SHTN1: variants seen among roughly 807,000 people sequenced by gnomAD.
The protein encoded by SHTN1 is shootin 1.
In SHTN1, 42 loss-of-function variants were observed where a neutral mutation model predicts 83.1. The ratio of observed to expected loss-of-function variants is 0.51; its 90% CI spans 0.39 to 0.65. The LOEUF (loss-of-function observed/expected upper bound fraction) is 0.65. Ranked by LOEUF, SHTN1 falls within the 30% of genes least tolerant of loss-of-function variation. SHTN1 has a pLI of 0.00. For missense variants in SHTN1, 622 were observed against 737.8 expected (o/e 0.84, Z 1.82); for synonymous variants, 224 against 247.7 (o/e 0.90, Z 0.90).
At chr10:116,938,100 G>T (rs557047423) in intron 9 of SHTN1, among the ~76,000 whole-genome samples, 1 of 151,830 alleles carries the variant, frequency 6.6e-6, no homozygotes, top group East Asian at 2.0e-4. Flanking sequence ...CCTTGCGTTG[G>T]GTTAGAACAT....
chr10:116,892,362 G>A (rs770908339), intron 16 of SHTN1, among the ~76,000 whole-genome samples: 6 of 152,122 alleles, frequency 3.9e-5, no homozygotes, highest in Non-Finnish European at 8.8e-5. Flanking sequence ...ATTTCAGCTC[G>A]GCCAAAGATT....
At chr10:116,992,289 A>T (rs1589877601) in intron 1 of SHTN1, among the ~76,000 whole-genome samples, 1 of 152,252 alleles carries the variant, frequency 6.6e-6, no homozygotes, top group African/African-American at 2.4e-5. Context: ...GCAATTAGAT[A>T]AACAAGTCAG....
At chr10:117,126,192 C>G (rs972232444) in intron 1 of SHTN1, 1 of 153,090 alleles carries the variant, frequency 6.5e-6, no homozygotes, top group Non-Finnish European at 1.5e-5. Flanking sequence ...AGGGCCGGAC[C>G]CAGGAAGGTA....
At chr10:117,106,382 G>C (rs1365409114) in intron 1 of SHTN1, among the ~76,000 whole-genome samples, 1 of 149,638 alleles carries the variant, frequency 6.7e-6, no homozygotes, top group Non-Finnish European at 1.5e-5. Flanking sequence ...TTGAACCCGG[G>C]AGGCGGAGGT....
chr10:116,953,608 T>C (rs1408333124), intron 5 of SHTN1, among the ~76,000 whole-genome samples: 1 of 148,284 alleles, frequency 6.7e-6, no homozygotes, highest in Non-Finnish European at 1.5e-5. Context: ...GACCCAGGCA[T>C]CAGTTTTGTG....
At chr10:117,012,401 T>C (rs147133958) in intron 2 of SHTN1, among the ~76,000 whole-genome samples, 4 of 152,302 alleles carry the variant, frequency 2.6e-5, no homozygotes, top group Non-Finnish European at 2.9e-5. Context: ...CAATGTAGTA[T>C]TGGCAAAAGG....
intron 5 of SHTN1, among the ~76,000 whole-genome samples, chr10:116,953,818 C>T (rs1024741886): frequency 7.9e-5 from 12 of 151,670 alleles, no homozygotes; most frequent in African/African-American, 1.2e-4. Context: ...TAGTAGAGAC[C>T]GGGTTTCACC....
At chr10:117,030,090 T>C (rs1349668585) in intron 2 of SHTN1, among the ~76,000 whole-genome samples, 1 of 152,122 alleles carries the variant, frequency 6.6e-6, no homozygotes, top group Non-Finnish European at 1.5e-5. Flanking sequence ...GGTTTCACCA[T>C]GTTGGCCAGA....
At chr10:116,904,447 T>C (rs1165239814) in intron 15 of SHTN1, among the ~76,000 whole-genome samples, 1 of 152,148 alleles carries the variant, frequency 6.6e-6, no homozygotes, top group Non-Finnish European at 1.5e-5. Flanking sequence ...CTTTTTTTTT[T>C]TTCTTTTGCT....
chr10:117,108,075 T>C (rs1211916940), intron 1 of SHTN1, among the ~76,000 whole-genome samples: 1 of 152,208 alleles, frequency 6.6e-6, no homozygotes, highest in Non-Finnish European at 1.5e-5. Context: ...TAGCAAAACA[T>C]GTACCTGTGC....
intron 16 of SHTN1, chr10:116,900,840 G>A: frequency 1.5e-5 from 15 of 985,282 alleles, no homozygotes; most frequent in Non-Finnish European, 1.8e-5. Context: ...AGCAAAGAAG[G>A]CCATTCATTC....
At chr10:117,001,338 A>T (rs569707757) in intron 1 of SHTN1, among the ~76,000 whole-genome samples, 191 of 152,326 alleles carry the variant, frequency 1.3e-3, no homozygotes, top group African/African-American at 4.4e-3. Context: ...TTTTGAAGTA[A>T]TTCAGAAGTG....
intron 1 of SHTN1, among the ~76,000 whole-genome samples, chr10:116,987,094 A>C (rs1435494311): frequency 1.3e-5 from 2 of 152,102 alleles, no homozygotes; most frequent in Non-Finnish European, 2.9e-5. Flanking sequence ...TCCTCTAAAC[A>C]ATGTCTGTCC....
chr10:117,041,411 A>C (rs1241477642), intron 2 of SHTN1, among the ~76,000 whole-genome samples: 2 of 152,216 alleles, frequency 1.3e-5, no homozygotes, highest in Non-Finnish European at 2.9e-5. Context: ...TGAGTAAATA[A>C]GTGATACTAT....
At chr10:116,994,052 G>A (rs1365710472) in intron 1 of SHTN1, among the ~76,000 whole-genome samples, 1 of 152,072 alleles carries the variant, frequency 6.6e-6, no homozygotes, top group East Asian at 1.9e-4. Flanking sequence ...TCTATGGAAT[G>A]CTGGTTCAAA....
At chr10:117,111,014 T>C (rs565185373) in intron 1 of SHTN1, among the ~76,000 whole-genome samples, 1 of 152,032 alleles carries the variant, frequency 6.6e-6, no homozygotes, top group Admixed American at 6.5e-5. Context: ...CTGGCCAACA[T>C]GGCAAAACCC....
chr10:117,108,257 CAT>C (rs958483175), intron 1 of SHTN1, among the ~76,000 whole-genome samples: 17 of 152,226 alleles, frequency 1.1e-4, no homozygotes, highest in African/African-American at 3.9e-4. Flanking sequence ...CACATGCACA[CAT>C]ATGTTTATTG....
intron 1 of SHTN1, among the ~76,000 whole-genome samples, chr10:117,075,931 C>T (rs1049742718): frequency 1.2e-4 from 19 of 152,164 alleles, no homozygotes; most frequent in Admixed American, 2.6e-4. Flanking sequence ...GCCTGTAATC[C>T]TAGCACTTTG....
chr10:116,987,927 C>CAA (rs1289305478), intron 1 of SHTN1, among the ~76,000 whole-genome samples: 1 of 139,650 alleles, frequency 7.2e-6, no homozygotes, highest in Non-Finnish European at 1.6e-5. Context: ...AACAAACAAA[C>CAA]AAAAAAAAAA....
Sources: allele counts gnomAD v4.1 joint callset (sites outside exome capture counted in the v4.1 genomes callset), GRCh38; gene constraint gnomAD v4.1.1; transcripts MANE v1.5; gene names NCBI Gene and HGNC (gene_info 2026-07-23, HGNC 2026-07-21).